Variants in PAK6 observed in about 807,000 individuals in gnomAD.
PAK6 encodes p21 (RAC1) activated kinase 6, also known as serine/threonine-protein kinase PAK 6.
PAK6 carries 33 observed loss-of-function variants against 60.8 expected under a neutral mutation model. The observed-to-expected ratio is 0.54, with a 90% CI of 0.41 to 0.73. PAK6 has a LOEUF of 0.73. Ranked by LOEUF, PAK6 falls within the 30% of genes least tolerant of loss-of-function variation. The pLI is 0.00. For synonymous variants in PAK6, 404 were observed against 378.5 expected (o/e 1.07, Z -0.78); for missense variants, 845 against 904.1 (o/e 0.93, Z 0.84).
In PAK6 at chr15:40,266,475, G is replaced by C. The variant is rs2039141029; in HGVS notation, c.838G>C (p.Gly280Arg). The change falls in exon 5 of 11, where the codon GGC becomes CGC. Residue 280 changes from glycine to arginine, a missense_variant. By Grantham distance (125) the Gly-to-Arg change is moderately radical. Transcript: ENST00000560346. ...AGCCCCTCCAAGCAGCAGCAAGCCA[G>C]GCCCTCCACCACAGAGCAAGGTAAG... is the stretch of plus-strand genomic sequence containing the variant. 3.7e-6 allele frequency: 6 copies of C among 1,608,674 alleles called. No homozygotes were observed. In the East Asian group the frequency reaches 1.3e-4, roughly 36 times the overall value.
intron 2 of PAK6, 77 bp downstream of exon 2, chr15:40,240,758 C>CCACCTGGGACAGGGAGGCTT: frequency 2.5e-6 from 1 of 399,954 alleles, no homozygotes; most frequent in South Asian, 1.7e-5. Context: ...AGGCTGCCTC[C>CCACCTGGGACAGGGAGGCTT]CACCTGGGAC....
chr15:40,256,122 G>A (rs763554168), intron 3 of PAK6, among the ~76,000 whole-genome samples: 4 of 152,114 alleles, frequency 2.6e-5, no homozygotes, highest in Non-Finnish European at 5.9e-5. Context: ...CCACTCAAGC[G>A]ACTGAGGTGG....
chr15:40,260,923 C>T (rs999500147), intron 3 of PAK6, among the ~76,000 whole-genome samples: 1 of 147,962 alleles, frequency 6.8e-6, no homozygotes, highest in African/African-American at 2.5e-5. Context: ...GAGTCTCGCT[C>T]TGTCGCCCAG....
At chr15:40,264,130 C>T (rs1391672856) in intron 3 of PAK6, among the ~76,000 whole-genome samples, 1 of 152,112 alleles carries the variant, frequency 6.6e-6, no homozygotes, top group East Asian at 1.9e-4. Flanking sequence ...AATAGTCCCA[C>T]ACCGGGCAGC....
In PAK6 at chr15:40,263,808, G is replaced by T. The variant is rs1273109370; in HGVS notation, c.-5-973G>T. ...TTCTTTGTATTTTTAGTCAAGACAG[G>T]TTTTCACCATGTTGGCCAAGCTGGT... On this transcript the variant is annotated intron_variant, in intron 3 of 10. Coordinates refer to ENST00000560346, the Ensembl canonical transcript of PAK6. 6.9e-6 allele frequency: 3 copies of T among 431,740 alleles called. No individual in the cohort carries two copies. In the East Asian group the frequency reaches 2.2e-4, roughly 31 times the overall value. 26.7% of individuals were successfully genotyped at this position (431,740 alleles called of 1,614,324 possible). A position where few individuals can be genotyped will look rare whatever the true frequency, so the allele number is the denominator to read the frequency against.
At chr15:40,260,785 T>A (rs1177425056) in intron 3 of PAK6, among the ~76,000 whole-genome samples, 1 of 152,256 alleles carries the variant, frequency 6.6e-6, no homozygotes, top group African/African-American at 2.4e-5. Flanking sequence ...TTCTTTAATA[T>A]CTTTAATAAT....
At chr15:40,264,173 A>C (rs1166101639) in intron 3 of PAK6, among the ~76,000 whole-genome samples, 1 of 152,086 alleles carries the variant, frequency 6.6e-6, no homozygotes, top group East Asian at 1.9e-4. Context: ...CTTTTTATTA[A>C]CGTATCATAT....
At chr15:40,252,573 G>A (rs1268368157) in intron 2 of PAK6, 1 of 1,359,204 alleles carries the variant, frequency 7.4e-7, no homozygotes, top group Non-Finnish European at 9.8e-7. Context: ...TGAAGCCGGC[G>A]CTGCACCAAC....
In PAK6 at chr15:40,273,490, C is replaced by T; in HGVS notation, c.1617+18C>T. ...ATGGCAGGGTAGGTCCCATCCTGTC[C>T]CTGGCACAGCCACGCTCCCACTTCC... is the stretch of plus-strand genomic sequence containing the variant. On this transcript the variant is annotated intron_variant, in intron 8 of 10. Transcript: ENST00000560346. 6.2e-7 allele frequency: 1 copy of T among 1,613,568 alleles called. No homozygotes were observed.
intron 10 of PAK6, among the ~76,000 whole-genome samples, chr15:40,274,535 G>C (rs1183120223): frequency 2.0e-5 from 3 of 152,364 alleles, no homozygotes; most frequent in Admixed American, 1.3e-4. Context: ...TTGCTGCTTG[G>C]CAGGCACTGG....
chr15:40,247,218 G>A (rs1243176738), intron 2 of PAK6: 2 of 152,282 alleles, frequency 1.3e-5, no homozygotes, highest in African/African-American at 4.8e-5. Context: ...CATTCAAGGA[G>A]GCATCCAGCT....
chr15:40,257,477 A>G (rs2038868789), intron 3 of PAK6, among the ~76,000 whole-genome samples: 1 of 142,640 alleles, frequency 7.0e-6, no homozygotes, highest in Non-Finnish European at 1.5e-5. Flanking sequence ...ACCACGTGGG[A>G]TACCACCACT....
chr15:40,272,806 C>A, intron 6 of PAK6, 60 bp from the exon 7 acceptor site: 1 of 1,594,072 alleles, frequency 6.3e-7, no homozygotes, highest in African/African-American at 1.3e-5. Context: ...TGAGCAGGGG[C>A]AGTGGGTGGC....
At chr15:40,251,229 G>T (rs925098556) in intron 2 of PAK6, 1 of 152,234 alleles carries the variant, frequency 6.6e-6, no homozygotes, top group Non-Finnish European at 1.5e-5. Context: ...TGGCAGCAGG[G>T]TATGGTTAGC....
chr15:40,271,564 T>TC (rs1277668488), intron 5 of PAK6, among the ~76,000 whole-genome samples: 2 of 152,264 alleles, frequency 1.3e-5, no homozygotes, highest in Admixed American at 1.3e-4. Flanking sequence ...GGCACCAGAT[T>TC]CCCAGCCCAG....
chr15:40,269,872 C>T (rs1457857482), intron 5 of PAK6, among the ~76,000 whole-genome samples: 1 of 152,260 alleles, frequency 6.6e-6, no homozygotes, highest in Non-Finnish European at 1.5e-5. Flanking sequence ...AAACCCCTAC[C>T]TCAGCCTGTC....
intron 3 of PAK6, among the ~76,000 whole-genome samples, chr15:40,256,108 C>G (rs2038826392): frequency 6.6e-6 from 1 of 152,052 alleles, no homozygotes; most frequent in African/African-American, 2.4e-5. Flanking sequence ...TCCTCTAGTC[C>G]TGACCACTCA....
intron 3 of PAK6, chr15:40,264,557 T>C: frequency 1.6e-6 from 1 of 631,372 alleles, no homozygotes; most frequent in Non-Finnish European, 2.9e-6. Flanking sequence ...TCCTTGTTTA[T>C]AGTCTGCACT....
At chr15:40,264,611 G>A in intron 3 of PAK6, 170 bp from the exon 4 acceptor site, 1 of 647,240 alleles carries the variant, frequency 1.5e-6, no homozygotes, top group Non-Finnish European at 2.7e-6. Flanking sequence ...CTGTTCTGCT[G>A]GGAGCCAGCC....
Sources: allele counts gnomAD v4.1 joint callset (sites outside exome capture counted in the v4.1 genomes callset), GRCh38; gene constraint gnomAD v4.1.1; transcripts MANE v1.5; gene names NCBI Gene and HGNC (gene_info 2026-07-23, HGNC 2026-07-21).